RIMS2: variants seen among roughly 807,000 people sequenced by gnomAD.
RIMS2 encodes regulating synaptic membrane exocytosis protein 2.
Under a neutral mutation model 174.4 loss-of-function variants are expected in RIMS2, and 59 were observed. The observed-to-expected ratio is 0.34, with a 90% CI of 0.27 to 0.42. RIMS2 has a LOEUF of 0.42. RIMS2 is among the 10% of genes least tolerant of loss of function. The probability of loss-of-function intolerance (pLI) is 1.00; values close to 1 mark genes in which losing one functional copy is unlikely to be tolerated. For missense variants in RIMS2, 1,620 were observed against 1,666.3 expected, an observed-to-expected ratio of 0.97 and a Z score of 0.48; for synonymous variants, 606 against 572.5, an observed-to-expected ratio of 1.06 and a Z score of -0.84.
rs531079763 is a variant in RIMS2, at chr8:103,583,815, T to A, written c.176+82753T>A. Among the ~76,000 whole-genome samples, 15 of 152,270 alleles carry A rather than the reference T, an allele frequency of 9.9e-5. No individual in the cohort carries two copies. In the South Asian group the frequency reaches 3.1e-3, roughly 32 times the overall value. ...AAAAGGGCAAGTGTAAGTGTTATTG[T>A]CCTTAAAGAGGAGGTAGGTAGATAG... On this transcript the variant is annotated intron_variant, in intron 1 of 23. Transcript: ENST00000504942.
chr8:103,509,642 T>C (rs187755407), intron 1 of RIMS2, among the ~76,000 whole-genome samples: 6 of 152,064 alleles, frequency 3.9e-5, no homozygotes, highest in Admixed American at 3.9e-4. Flanking sequence ...GGGAGATAAA[T>C]TTTATTGGGT....
intron 1 of RIMS2, among the ~76,000 whole-genome samples, chr8:103,552,248 A>G (rs1848316756): frequency 6.6e-6 from 1 of 152,212 alleles, no homozygotes; most frequent in South Asian, 2.1e-4. Flanking sequence ...TGGTACCAAA[A>G]CAGATATATA....
intron 1 of RIMS2, among the ~76,000 whole-genome samples, chr8:103,680,525 T>G (rs1205448126): frequency 6.6e-6 from 1 of 151,988 alleles, no homozygotes; most frequent in African/African-American, 2.4e-5. Context: ...AAGCTACAAA[T>G]GATGAAGGGA....
intron 1 of RIMS2, among the ~76,000 whole-genome samples, chr8:103,620,208 T>C (rs1396108160): frequency 6.6e-6 from 1 of 152,174 alleles, no homozygotes; most frequent in Non-Finnish European, 1.5e-5. Context: ...CCAGGTTGTA[T>C]ACATGGCAAC....
In RIMS2 at chr8:103,845,505, C is replaced by T. The variant is rs150001239; in HGVS notation, c.699-39793C>T. Among the ~76,000 whole-genome samples, 89 of 152,106 alleles carry T rather than the reference C, an allele frequency of 5.9e-4. No individual in the cohort carries two copies. In the East Asian group the frequency reaches 0.015, roughly 26 times the overall value. ...ATTACTGTGACTCTCTAAATCATGT[C>T]GTATTAGTATACTACCATTATTTTA... On this transcript the variant is annotated intron_variant, in intron 3 of 23. Coordinates refer to ENST00000504942, the Ensembl canonical transcript of RIMS2.
chr8:104,127,296 G>A (rs1407746946), intron 19 of RIMS2, among the ~76,000 whole-genome samples: 1 of 152,084 alleles, frequency 6.6e-6, no homozygotes, highest in Non-Finnish European at 1.5e-5. Context: ...TACATCAGAA[G>A]TGACCTAAGG....
Position 104,024,245 on chromosome 8 carries a change from G to A in RIMS2, c.3334+9630G>A, listed in dbSNP as rs113116002. ...TGGCTGTGTAATGCCACGTGGCCTC[G>A]AACCTTTTGCTTGTAGTTTACCAAG... On this transcript the variant is annotated intron_variant, in intron 19 of 23. Transcript: ENST00000504942. Among the ~76,000 whole-genome samples, 662 of 152,256 alleles carry A rather than the reference G, an allele frequency of 4.3e-3. 7 individuals carry two copies. The highest frequency in any genetic ancestry group is 0.015 in the African/African-American group (630 of 41,558).
rs78597038 is a variant in RIMS2, at chr8:104,183,616, A to T, written c.3335-61300A>T. On this transcript the variant is annotated intron_variant, in intron 19 of 23. Transcript: ENST00000504942. ...AAACTTTGACTTTTTTTAGAGAGAA[A>T]AATCTGAGTTATTAAGGAATATAGA... 8.3e-3 allele frequency among the ~76,000 whole-genome samples: 1,266 copies of T among 151,668 alleles called. 16 individuals carry two copies. The highest frequency in any genetic ancestry group is 0.03 in the African/African-American group (1,225 of 41,456).
intron 1 of RIMS2, among the ~76,000 whole-genome samples, chr8:103,535,718 A>G (rs1839437460): frequency 6.6e-6 from 1 of 152,242 alleles, no homozygotes; most frequent in South Asian, 2.1e-4. Flanking sequence ...GCTAAATGTG[A>G]CAAGATAAGT....
chr8:103,835,213 T>G (rs1490985094), intron 3 of RIMS2, among the ~76,000 whole-genome samples: 1 of 149,316 alleles, frequency 6.7e-6, no homozygotes, highest in Non-Finnish European at 1.5e-5. Context: ...GGGATTCTCC[T>G]GCCTCAGCCT....
At position 103,790,193 on chromosome 8, in the gene RIMS2, G is replaced by A. The variant is rs1421511227; in HGVS notation, c.698+23656G>A. Among the ~76,000 whole-genome samples the A allele has an allele frequency of 2.9e-4, 44 of 152,110 alleles. 1 individual carries two copies. Among genetic ancestry groups the A allele is most frequent in the East Asian group, 1.9e-4 (1 of 5,202 alleles). On this transcript the variant is annotated intron_variant, in intron 3 of 23. Transcript: ENST00000504942. ...AATTTTGAAGTTGTCCAACTATTAC[G>A]ACTATCTAATTCCAGAATATTTCCA...
intron 19 of RIMS2, among the ~76,000 whole-genome samples, chr8:104,117,875 T>C (rs939635816): frequency 6.6e-6 from 1 of 152,224 alleles, no homozygotes; most frequent in African/African-American, 2.4e-5. Flanking sequence ...CTAATAGCTG[T>C]ATATATTTAA....
At chr8:103,693,330 A>C (rs1176818528) in intron 1 of RIMS2, among the ~76,000 whole-genome samples, 3 of 152,208 alleles carry the variant, frequency 2.0e-5, no homozygotes, top group East Asian at 3.9e-4. Flanking sequence ...TTTATATAAA[A>C]GTTAAAACGA....
At chr8:103,889,766 A>G (rs1160089178) in intron 4 of RIMS2, among the ~76,000 whole-genome samples, 10 of 151,838 alleles carry the variant, frequency 6.6e-5, no homozygotes, top group African/African-American at 2.4e-4. Flanking sequence ...CATTATTTTA[A>G]ATATACAGAG....
chr8:103,999,654 C>A (rs1412424698), intron 17 of RIMS2, among the ~76,000 whole-genome samples: 1 of 151,702 alleles, frequency 6.6e-6, no homozygotes, highest in Non-Finnish European at 1.5e-5. Context: ...TGTATATACT[C>A]TGGTGTCTCT....
At chr8:103,881,839 T>C (rs1167776781) in intron 3 of RIMS2, among the ~76,000 whole-genome samples, 1 of 151,338 alleles carries the variant, frequency 6.6e-6, no homozygotes, top group Non-Finnish European at 1.5e-5. Context: ...ACAACACAGG[T>C]GGCAATAAAG....
intron 4 of RIMS2, among the ~76,000 whole-genome samples, chr8:103,899,115 C>G (rs1246161785): frequency 6.6e-6 from 1 of 151,740 alleles, no homozygotes; most frequent in Non-Finnish European, 1.5e-5. Context: ...TTAAACCAGT[C>G]TATCATTGTT....
chr8:103,741,964 C>A (rs1396882503), intron 2 of RIMS2, among the ~76,000 whole-genome samples: 1 of 151,946 alleles, frequency 6.6e-6, no homozygotes, highest in Non-Finnish European at 1.5e-5. Flanking sequence ...GTGACAAAAG[C>A]TATGTATGAG....
intron 16 of RIMS2, among the ~76,000 whole-genome samples, chr8:103,986,313 G>A (rs529090996): frequency 4.6e-5 from 7 of 152,072 alleles, no homozygotes; most frequent in Admixed American, 1.3e-4. Context: ...TGTGAAGGAT[G>A]GAATTAATAA....
Sources: allele counts gnomAD v4.1 joint callset (sites outside exome capture counted in the v4.1 genomes callset), GRCh38; gene constraint gnomAD v4.1.1; transcripts MANE v1.5; gene names NCBI Gene and HGNC (gene_info 2026-07-23, HGNC 2026-07-21).